DCLK1: variants seen among roughly 807,000 people sequenced by gnomAD.
DCLK1 encodes serine/threonine-protein kinase DCLK1.
A neutral mutation model predicts 86.2 loss-of-function variants in DCLK1; 16 were observed. The ratio of observed to expected loss-of-function variants is 0.19; its 90% CI spans 0.13 to 0.28. The LOEUF is 0.28. DCLK1 is among the 10% of genes least tolerant of loss of function. DCLK1 has a pLI of 1.00. For synonymous variants in DCLK1, 369 were observed against 370.5 expected (o/e 1.00, Z 0.05); for missense variants, 590 against 940.2 (o/e 0.63, Z 4.87).
intron 4 of DCLK1, among the ~76,000 whole-genome samples, chr13:35,912,563 G>A (rs542033021): frequency 8.6e-5 from 13 of 152,024 alleles, no homozygotes; most frequent in Non-Finnish European, 1.8e-4. Flanking sequence ...AGTGACAACC[G>A]GACTTCAGGG....
chr13:35,898,715 G>T (rs1874159867), intron 4 of DCLK1, among the ~76,000 whole-genome samples: 1 of 152,116 alleles, frequency 6.6e-6, no homozygotes, highest in Non-Finnish European at 1.5e-5. Context: ...CTTTAAGTTT[G>T]TGTGCTCTTG....
At chr13:35,995,339 C>T (rs941122430) in intron 3 of DCLK1, among the ~76,000 whole-genome samples, 1 of 152,108 alleles carries the variant, frequency 6.6e-6, no homozygotes, top group African/African-American at 2.4e-5. Context: ...ATTACGAAAT[C>T]TAATTCTATC....
chr13:36,102,309 G>T (rs1425822417), intron 3 of DCLK1, among the ~76,000 whole-genome samples: 1 of 151,132 alleles, frequency 6.6e-6, no homozygotes, highest in Non-Finnish European at 1.5e-5. Flanking sequence ...TTGGTTTATG[G>T]TCTTCCAAGT....
At chr13:35,978,343 T>A (rs957140184) in intron 3 of DCLK1, among the ~76,000 whole-genome samples, 1 of 151,494 alleles carries the variant, frequency 6.6e-6, no homozygotes, top group Non-Finnish European at 1.5e-5. Context: ...GTAGCTGGAA[T>A]TACAGGCACG....
chr13:35,825,845 TC>T (rs1377585313), intron 10 of DCLK1, among the ~76,000 whole-genome samples: 1 of 151,464 alleles, frequency 6.6e-6, no homozygotes, highest in African/African-American at 2.4e-5. Flanking sequence ...AGAGTTTCGC[TC>T]TTTTTGCCCA....
At chr13:35,790,496 G>T (rs1737724145) in intron 16 of DCLK1, among the ~76,000 whole-genome samples, 1 of 151,944 alleles carries the variant, frequency 6.6e-6, no homozygotes, top group African/African-American at 2.4e-5. Flanking sequence ...CATTCTAAAG[G>T]GTGTATGTAA....
intron 4 of DCLK1, among the ~76,000 whole-genome samples, chr13:35,909,711 T>A (rs1215033807): frequency 6.6e-6 from 1 of 151,842 alleles, no homozygotes; most frequent in Non-Finnish European, 1.5e-5. Context: ...GGCAGGGTTT[T>A]TAAAGTCAAG....
chr13:35,861,619 C>T (rs988757120), intron 5 of DCLK1, among the ~76,000 whole-genome samples: 1 of 147,428 alleles, frequency 6.8e-6, no homozygotes, highest in Non-Finnish European at 1.5e-5. Context: ...TGCTACCTGA[C>T]ATCTCAACAT....
intron 3 of DCLK1, among the ~76,000 whole-genome samples, chr13:36,096,416 G>A (rs886378783): frequency 6.6e-6 from 1 of 152,220 alleles, no homozygotes; most frequent in African/African-American, 2.4e-5. Context: ...GAAGTACAAA[G>A]GCATTTTCAA....
At chr13:36,074,301 GACCT>G (rs1884087695) in intron 3 of DCLK1, among the ~76,000 whole-genome samples, 1 of 151,804 alleles carries the variant, frequency 6.6e-6, no homozygotes. Context: ...AGGAGATCGA[GACCT>G]TCCCGGCTAA....
chr13:35,831,956 C>T (rs922119216), intron 8 of DCLK1, among the ~76,000 whole-genome samples: 55 of 151,974 alleles, frequency 3.6e-4, no homozygotes, highest in African/African-American at 1.3e-3. Flanking sequence ...AGTCTTCTGC[C>T]CACTGCACCC....
chr13:36,028,023 C>G (rs1882114510), intron 3 of DCLK1, among the ~76,000 whole-genome samples: 1 of 152,176 alleles, frequency 6.6e-6, no homozygotes, highest in South Asian at 2.1e-4. Context: ...AGCCACCATG[C>G]CTGGCCTAAA....
intron 6 of DCLK1, among the ~76,000 whole-genome samples, chr13:35,842,445 A>G (rs144308348): frequency 3.3e-5 from 5 of 151,832 alleles, no homozygotes; most frequent in Non-Finnish European, 7.4e-5. Flanking sequence ...CTGAGGCAGG[A>G]GGCTTGCTTG....
chr13:35,958,124 T>TATAACCATC (rs1472448402), intron 3 of DCLK1, among the ~76,000 whole-genome samples: 13 of 1,102 alleles, frequency 0.012, 1 homozygote, highest in African/African-American at 0.021. Flanking sequence ...CCACCACCAC[T>TATAACCATC]ACCACTACTA....
chr13:35,986,452 T>G (rs76491353), intron 3 of DCLK1, among the ~76,000 whole-genome samples: 2,439 of 152,192 alleles, frequency 0.016, 66 homozygotes, highest in African/African-American at 0.055. Context: ...CCATTAAATC[T>G]TCTCATGGGT....
intron 4 of DCLK1, among the ~76,000 whole-genome samples, chr13:35,918,563 G>A (rs1404408986): frequency 1.3e-5 from 2 of 152,068 alleles, no homozygotes; most frequent in African/African-American, 4.8e-5. Context: ...GATTTTAAAG[G>A]GCTTAGATTC....
chr13:35,940,243 T>C (rs1198437763), intron 4 of DCLK1, among the ~76,000 whole-genome samples: 1 of 132,682 alleles, frequency 7.5e-6, no homozygotes, highest in African/African-American at 3.0e-5. Flanking sequence ...AATAAGTTAG[T>C]ATGAAGGGTC....
In DCLK1 at chr13:36,126,153, G is replaced by T; in HGVS notation, c.-16C>A. The stretch of plus-strand genomic sequence containing the variant: ...CGAAGGACATGATGGACTTCAAGTA[G>T]GACCTACGAGCCCCAGAAACAAAAG... On this transcript the variant is annotated 5_prime_UTR_variant, in exon 2 of 17. Transcript: ENST00000360631. The T allele has an allele frequency of 6.4e-7, 1 of 1,557,128 alleles. No individual in the cohort carries two copies.
At chr13:36,065,598 AC>A (rs1883718482) in intron 3 of DCLK1, among the ~76,000 whole-genome samples, 1 of 152,184 alleles carries the variant, frequency 6.6e-6, no homozygotes. Flanking sequence ...AGAGGTTTAA[AC>A]CCTCTTATCT....
Sources: gnomAD v4.1 joint callset for allele counts (sites outside exome capture counted in the v4.1 genomes callset) on GRCh38, gnomAD v4.1.1 for gene constraint, MANE v1.5 for transcripts, NCBI Gene and HGNC (gene_info 2026-07-23, HGNC 2026-07-21) for gene names.